OXCT1: variants seen among roughly 807,000 people sequenced by gnomAD.
The protein encoded by OXCT1 is succinyl-CoA:3-ketoacid coenzyme A transferase 1, mitochondrial.
A neutral mutation model predicts 69.6 loss-of-function variants in OXCT1; 27 were observed. The observed-to-expected ratio is 0.39, with a 90% CI of 0.29 to 0.54. The LOEUF (loss-of-function observed/expected upper bound fraction) is 0.54, where lower values mean the gene tolerates loss of function less well. Ranked by LOEUF, OXCT1 falls within the 20% of genes least tolerant of loss-of-function variation. The pLI, the probability that OXCT1 is intolerant of heterozygous loss-of-function variation, is 0.72. For missense variants in OXCT1, 437 were observed against 650.2 expected (o/e 0.67, Z 3.57); for synonymous variants, 202 against 217.8 (o/e 0.93, Z 0.64).
chr5:41,749,533 A>T lies in OXCT1; in HGVS notation c.1413T>A (p.Thr471=). 1 of 1,602,792 alleles carries T rather than the reference A, an allele frequency of 6.2e-7. No homozygotes were observed. The highest frequency in any genetic ancestry group is 1.3e-5 in the African/African-American group (1 of 74,754). The part of the protein sequence containing the change: ...TGKQCVNRII[T]EKAVFDVDKK... Reference sequence around the variant, plus strand: ...TAGAAAAAGCACTTTTTACCTTTTCAGTAATAATGCGGTTGACACATTGCT... The same window carrying T: ...TAGAAAAAGCACTTTTTACCTTTTCTGTAATAATGCGGTTGACACATTGCT... Residue 471 remains threonine, a synonymous_variant, in exon 15 of 17, where the codon ACT becomes ACA. Transcript: ENST00000196371.
intron 15 of OXCT1, among the ~76,000 whole-genome samples, chr5:41,746,480 C>T (rs1313668310): frequency 6.6e-6 from 1 of 152,042 alleles, no homozygotes; most frequent in Non-Finnish European, 1.5e-5. Context: ...TCTCATTACT[C>T]ATTCAACAAG....
intron 1 of OXCT1, chr5:41,869,948 A>G: frequency 2.5e-6 from 1 of 402,726 alleles, no homozygotes; most frequent in South Asian, 2.1e-5. Flanking sequence ...GTCCCTATCC[A>G]AGGGCGGGTG....
At chr5:41,764,524 A>C (rs183233588) in intron 13 of OXCT1, among the ~76,000 whole-genome samples, 133 of 152,260 alleles carry the variant, frequency 8.7e-4, no homozygotes, top group African/African-American at 3.0e-3. Context: ...ATCCATGAAT[A>C]CTAAAAGACT....
At chr5:41,787,424 AAG>A (rs1300456035) in intron 13 of OXCT1, among the ~76,000 whole-genome samples, 4 of 152,046 alleles carry the variant, frequency 2.6e-5, no homozygotes, top group African/African-American at 9.7e-5. Flanking sequence ...GCAGTACAGG[AAG>A]TCAAACTCAG....
At chr5:41,793,006 T>A (rs1745995466) in intron 13 of OXCT1, among the ~76,000 whole-genome samples, 1 of 152,164 alleles carries the variant, frequency 6.6e-6, no homozygotes, top group Admixed American at 6.5e-5. Context: ...CTTGAATAAT[T>A]ATTAAAACTT....
intron 13 of OXCT1, among the ~76,000 whole-genome samples, chr5:41,775,805 A>G (rs779397434): frequency 3.9e-5 from 6 of 152,198 alleles, no homozygotes; most frequent in Non-Finnish European, 8.8e-5. Flanking sequence ...AAATGCTCCT[A>G]TGGCCCTATC....
chr5:41,857,470 G>A (rs1394635719), intron 3 of OXCT1, among the ~76,000 whole-genome samples: 1 of 152,128 alleles, frequency 6.6e-6, no homozygotes, highest in African/African-American at 2.4e-5. Context: ...ACTAAATTGA[G>A]GGGTCCCCTT....
chr5:41,819,600 C>A (rs1747443588), intron 7 of OXCT1, among the ~76,000 whole-genome samples: 10 of 151,514 alleles, frequency 6.6e-5, no homozygotes, highest in Admixed American at 6.6e-4. Context: ...GAACTCCTTA[C>A]CTCAGGTGAT....
At chr5:41,759,389 G>C (rs997036845) in intron 14 of OXCT1, among the ~76,000 whole-genome samples, 8 of 152,084 alleles carry the variant, frequency 5.3e-5, no homozygotes, top group African/African-American at 1.9e-4. Context: ...CAGAAGATAA[G>C]ATATACCTAG....
At chr5:41,846,682 T>A (rs1270230358) in intron 5 of OXCT1, among the ~76,000 whole-genome samples, 4 of 152,214 alleles carry the variant, frequency 2.6e-5, no homozygotes, top group Non-Finnish European at 2.9e-5. Flanking sequence ...GTATTTCTAG[T>A]TCTAGATCCC....
chr5:41,845,004 C>A (rs142363411), intron 5 of OXCT1, among the ~76,000 whole-genome samples: 84 of 151,894 alleles, frequency 5.5e-4, no homozygotes, highest in African/African-American at 2.0e-3. Flanking sequence ...AAAGACAACT[C>A]AAATTACATC....
chr5:41,831,594 C>T (rs904152128), intron 7 of OXCT1, among the ~76,000 whole-genome samples: 2 of 152,112 alleles, frequency 1.3e-5, no homozygotes, highest in Non-Finnish European at 2.9e-5. Flanking sequence ...TATAAAAATA[C>T]CTAGTACACT....
At chr5:41,755,716 G>C (rs1744037029) in intron 14 of OXCT1, among the ~76,000 whole-genome samples, 1 of 152,036 alleles carries the variant, frequency 6.6e-6, no homozygotes, top group South Asian at 2.1e-4. Flanking sequence ...CTCTATATGA[G>C]ACCTGTGCTA....
intron 14 of OXCT1, among the ~76,000 whole-genome samples, chr5:41,757,606 G>T (rs529265021): frequency 6.6e-6 from 1 of 151,978 alleles, no homozygotes; most frequent in African/African-American, 2.4e-5. Flanking sequence ...TACTCAGAAG[G>T]TAATTTTACC....
chr5:41,853,632 T>C (rs961742058), intron 3 of OXCT1, 78 bp from the exon 4 acceptor site: 8 of 1,472,426 alleles, frequency 5.4e-6, no homozygotes, highest in Non-Finnish European at 7.5e-6. Context: ...GATAAAACTT[T>C]GTTAATTTAA....
intron 15 of OXCT1, among the ~76,000 whole-genome samples, chr5:41,747,408 A>G (rs950197415): frequency 1.3e-5 from 2 of 152,082 alleles, no homozygotes; most frequent in Non-Finnish European, 2.9e-5. Context: ...TCAGCAAGAA[A>G]AGCATAAGTA....
At chr5:41,857,603 G>C (rs1579894782) in intron 3 of OXCT1, among the ~76,000 whole-genome samples, 1 of 152,014 alleles carries the variant, frequency 6.6e-6, no homozygotes, top group African/African-American at 2.4e-5. Context: ...CTCTCCCTGA[G>C]AAGTTACAGC....
chr5:41,767,465 T>G (rs1472216577), intron 13 of OXCT1, among the ~76,000 whole-genome samples: 1 of 151,812 alleles, frequency 6.6e-6, no homozygotes, highest in Non-Finnish European at 1.5e-5. Flanking sequence ...AAATTTTTAT[T>G]TTAATAAGCT....
intron 5 of OXCT1, among the ~76,000 whole-genome samples, chr5:41,848,245 A>G (rs943531845): frequency 1.7e-4 from 26 of 152,088 alleles, no homozygotes; most frequent in Non-Finnish European, 2.9e-5. Flanking sequence ...GGACCTCTTC[A>G]AGGAGAACTA....
Sources: gnomAD v4.1 joint callset for allele counts (sites outside exome capture counted in the v4.1 genomes callset) on GRCh38, gnomAD v4.1.1 for gene constraint, MANE v1.5 for transcripts, NCBI Gene and HGNC (gene_info 2026-07-23, HGNC 2026-07-21) for gene names.